Variants in CDK14 observed in about 807,000 individuals in gnomAD.
CDK14 encodes the protein cyclin-dependent kinase 14.
In CDK14, 34 loss-of-function variants were observed where a neutral mutation model predicts 60.7. The observed-to-expected ratio is 0.56, with a 90% CI of 0.43 to 0.75. The LOEUF (loss-of-function observed/expected upper bound fraction) is 0.75. CDK14 is among the 30% of genes least tolerant of loss of function. The pLI is 0.00. For missense variants in CDK14, 482 were observed against 564.1 expected, an observed-to-expected ratio of 0.85 and a Z score of 1.47; for synonymous variants, 197 against 203.7, an observed-to-expected ratio of 0.97 and a Z score of 0.28.
intron 14 of CDK14, among the ~76,000 whole-genome samples, chr7:91,139,917 A>G (rs1800404443): frequency 6.7e-6 from 1 of 150,260 alleles, no homozygotes; most frequent in Non-Finnish European, 1.5e-5. Flanking sequence ...TTCTTTCAAG[A>G]CGAAGTACAG....
At chr7:90,931,387 A>G (rs2117472349) in intron 8 of CDK14, among the ~76,000 whole-genome samples, 1 of 152,364 alleles carries the variant, frequency 6.6e-6, no homozygotes, top group African/African-American at 2.4e-5. Flanking sequence ...TTCATTGCCA[A>G]AGAAGTAAAG....
chr7:90,820,986 G>A (rs763170270), intron 5 of CDK14, among the ~76,000 whole-genome samples: 20 of 152,150 alleles, frequency 1.3e-4, no homozygotes, highest in Admixed American at 2.6e-4. Context: ...TGTTTGTAGA[G>A]TTTTCATCAA....
intron 12 of CDK14, among the ~76,000 whole-genome samples, chr7:91,083,063 G>T (rs756922370): frequency 2.1e-4 from 32 of 152,080 alleles, no homozygotes; most frequent in Non-Finnish European, 3.4e-4. Flanking sequence ...AGGAGGAGCA[G>T]TTGAGTTGAG....
chr7:90,734,606 A>G lies in CDK14; in HGVS notation c.369+7794A>G, dbSNP rs548587266. On this transcript the variant is annotated intron_variant, in intron 3 of 14. Transcript: ENST00000380050. The stretch of plus-strand genomic sequence containing the variant: ...TTTCTTCCCCTTGATCGATTCAGCT[A>G]TTGATACTTGTGTATGGTTCACAAA... Among the ~76,000 whole-genome samples, 199 of 152,058 alleles carry G rather than the reference A, an allele frequency of 1.3e-3. 1 individual carries two copies. Among genetic ancestry groups the G allele is most frequent in the Non-Finnish European group, 2.4e-3 (161 of 67,984 alleles).
intron 2 of CDK14, among the ~76,000 whole-genome samples, chr7:90,691,993 T>C (rs547957416): frequency 2.0e-5 from 3 of 152,100 alleles, no homozygotes; most frequent in Admixed American, 2.0e-4. Flanking sequence ...GATGAGTGAG[T>C]TTGAGAGGAA....
chr7:90,974,146 A>G (rs1037477089), intron 9 of CDK14, among the ~76,000 whole-genome samples: 3 of 152,190 alleles, frequency 2.0e-5, no homozygotes, highest in Non-Finnish European at 4.4e-5. Context: ...TCCTATTCAC[A>G]TAACCATCTA....
At chr7:91,120,362 AGTC>A (rs1799743897) in intron 14 of CDK14, among the ~76,000 whole-genome samples, 1 of 152,228 alleles carries the variant, frequency 6.6e-6, no homozygotes, top group Admixed American at 6.5e-5. Flanking sequence ...TCAGAACTAC[AGTC>A]ATCAGTATAT....
chr7:91,038,504 CTA>C (rs1336862441), intron 10 of CDK14, among the ~76,000 whole-genome samples: 5 of 152,190 alleles, frequency 3.3e-5, no homozygotes, highest in Non-Finnish European at 7.3e-5. Flanking sequence ...GCCTACAGTG[CTA>C]TAATGGTATA....
intron 2 of CDK14, among the ~76,000 whole-genome samples, chr7:90,720,140 T>G (rs913737025): frequency 3.9e-5 from 6 of 152,220 alleles, no homozygotes; most frequent in African/African-American, 1.4e-4. Context: ...GTGGAAGAGA[T>G]AATCAGGTTG....
chr7:90,970,379 A>G (rs1794888142), intron 9 of CDK14, among the ~76,000 whole-genome samples: 1 of 152,176 alleles, frequency 6.6e-6, no homozygotes, highest in African/African-American at 2.4e-5. Context: ...CAAAGCCTCT[A>G]ATTTTGAAGA....
At chr7:91,062,807 A>G (rs1343664713) in intron 11 of CDK14, among the ~76,000 whole-genome samples, 1 of 152,126 alleles carries the variant, frequency 6.6e-6, no homozygotes, top group South Asian at 2.1e-4. Flanking sequence ...GTATCTGGCA[A>G]TTACTACACC....
At chr7:90,828,380 CTCTACCTTGAAGTAATTATTTT>C (rs1789796873) in intron 5 of CDK14, among the ~76,000 whole-genome samples, 1 of 152,192 alleles carries the variant, frequency 6.6e-6, no homozygotes, top group South Asian at 2.1e-4. Flanking sequence ...GATTCTAAGT[CTCTACCTTGAAGTAATTATTTT>C]TCTACCTTGA....
At chr7:90,697,972 G>T (rs568049524) in intron 2 of CDK14, among the ~76,000 whole-genome samples, 185 of 149,028 alleles carry the variant, frequency 1.2e-3, no homozygotes, top group Non-Finnish European at 2.2e-3. Flanking sequence ...GGAGGCTGAG[G>T]CAGGAGAATG....
intron 10 of CDK14, among the ~76,000 whole-genome samples, chr7:91,037,878 T>C (rs1043878373): frequency 6.6e-6 from 1 of 152,228 alleles, no homozygotes; most frequent in African/African-American, 2.4e-5. Flanking sequence ...AATTAAGTAA[T>C]TTTTTGTAGA....
intron 11 of CDK14, among the ~76,000 whole-genome samples, chr7:91,060,082 G>T (rs567110737): frequency 2.0e-5 from 3 of 152,128 alleles, no homozygotes; most frequent in Admixed American, 6.5e-5. Flanking sequence ...ATGAATCTGG[G>T]TGCTCCTTAT....
intron 3 of CDK14, among the ~76,000 whole-genome samples, chr7:90,746,980 T>A (rs1489604464): frequency 6.6e-6 from 1 of 152,156 alleles, no homozygotes; most frequent in Non-Finnish European, 1.5e-5. Flanking sequence ...TGATTTACAA[T>A]GGGATACAGT....
rs193249141 is a variant in CDK14 at position 91,123,192 on chromosome 7, G to A, written c.*28+4984G>A. ...ATTTTCTCAACTATAGACACAAACG[G>A]AGATAATATCCATCAGCACTTTTCA... On this transcript the variant is annotated intron_variant, in intron 14 of 14. Coordinates refer to ENST00000380050, the MANE Select transcript of CDK14 (RefSeq NM_001287135.2). Among the ~76,000 whole-genome samples, 10 of 152,238 alleles carry A rather than the reference G, an allele frequency of 6.6e-5. No individual in the cohort carries two copies. The South Asian group carries it at 1.0e-3, about 16-fold the overall frequency.
rs1364940336 is a variant in CDK14 at position 90,710,284 on chromosome 7, GA to G, written c.124-16280del. On this transcript the variant is annotated intron_variant, in intron 2 of 14. Transcript: ENST00000380050. ...GCCATATCTGAGTCTTATTCCTTCTGAAACTAGTCTTTATTTATTACAGCTG... is the reference window on the plus strand; with the variant it reads ...GCCATATCTGAGTCTTATTCCTTCTGAACTAGTCTTTATTTATTACAGCTG... 3 of 985,102 alleles carry G rather than the reference GA, an allele frequency of 3.0e-6. No individual in the cohort carries two copies. In the African/African-American group the frequency reaches 5.2e-5, roughly 17 times the overall value. The allele number at this position is 985,102 out of a possible 1,614,324, so 61.0% of individuals were successfully genotyped here.
intron 11 of CDK14, among the ~76,000 whole-genome samples, 189 bp from the exon 12 acceptor site, chr7:91,079,243 A>G (rs926296491): frequency 5.9e-5 from 9 of 152,216 alleles, no homozygotes; most frequent in African/African-American, 2.2e-4. Context: ...ACAATGCTTC[A>G]CCGTTTAATA....
Sources: gnomAD v4.1 joint callset for allele counts (sites outside exome capture counted in the v4.1 genomes callset) on GRCh38, gnomAD v4.1.1 for gene constraint, MANE v1.5 for transcripts, NCBI Gene and HGNC (gene_info 2026-07-23, HGNC 2026-07-21) for gene names.